The following EXOC6B variants were observed in gnomAD, a reference collection of about 807,000 sequenced individuals.
EXOC6B encodes SEC15 homolog B.
In EXOC6B, 54 loss-of-function variants were observed where a neutral mutation model predicts 113.5. The observed-to-expected ratio is 0.48, with a 90% CI of 0.38 to 0.60. The LOEUF (loss-of-function observed/expected upper bound fraction) is 0.60. Among genes scored for constraint, EXOC6B ranks in the 20% least tolerant of loss-of-function variants. The probability of loss-of-function intolerance (pLI) is 0.00; values close to 1 mark genes in which losing one functional copy is unlikely to be tolerated. For missense variants in EXOC6B, 797 were observed against 977.5 expected (o/e 0.82, Z 2.46); for synonymous variants, 357 against 339.0 (o/e 1.05, Z -0.58).
At chr2:72,576,174 A>G (rs765490396) in intron 6 of EXOC6B, among the ~76,000 whole-genome samples, 6 of 152,170 alleles carry the variant, frequency 3.9e-5, no homozygotes, top group Non-Finnish European at 5.9e-5. Flanking sequence ...TTATGTGGAT[A>G]TAAGAGACCA....
intron 16 of EXOC6B, among the ~76,000 whole-genome samples, chr2:72,491,577 T>C (rs781622029): frequency 1.6e-4 from 24 of 152,144 alleles, no homozygotes; most frequent in Admixed American, 1.2e-3. Context: ...TAACATCCAG[T>C]GAAAAACAGA....
At chr2:72,582,304 G>A (rs1705273649) in intron 6 of EXOC6B, among the ~76,000 whole-genome samples, 1 of 151,956 alleles carries the variant, frequency 6.6e-6, no homozygotes, top group Admixed American at 6.6e-5. Flanking sequence ...TTGAGCTCAG[G>A]AGTTCCAGAC....
At chr2:72,563,866 A>T (rs1704021471) in intron 7 of EXOC6B, among the ~76,000 whole-genome samples, 1 of 152,176 alleles carries the variant, frequency 6.6e-6, no homozygotes, top group East Asian at 1.9e-4. Context: ...CATATTAAAA[A>T]AAGGATATTT....
intron 6 of EXOC6B, among the ~76,000 whole-genome samples, chr2:72,688,184 C>A (rs1041552307): frequency 6.6e-6 from 1 of 152,144 alleles, no homozygotes; most frequent in Non-Finnish European, 1.5e-5. Context: ...AATTGCTGAG[C>A]ATGTACAGAA....
chr2:72,192,295 G>A (rs1678896231), intron 20 of EXOC6B, among the ~76,000 whole-genome samples: 2 of 152,190 alleles, frequency 1.3e-5, no homozygotes, highest in Admixed American at 6.5e-5. Flanking sequence ...CAATGATACT[G>A]GCCAGATGGT....
intron 6 of EXOC6B, among the ~76,000 whole-genome samples, chr2:72,646,456 C>A (rs1461979112): frequency 1.3e-5 from 2 of 152,118 alleles, no homozygotes; most frequent in Non-Finnish European, 2.9e-5. Flanking sequence ...TTTTATGAGG[C>A]CAGCATCATC....
intron 1 of EXOC6B, among the ~76,000 whole-genome samples, chr2:72,788,190 T>A (rs1361817055): frequency 6.6e-6 from 1 of 152,210 alleles, no homozygotes; most frequent in Admixed American, 6.5e-5. Flanking sequence ...CTCATCTGCC[T>A]CATAGGGTTG....
At chr2:72,636,760 A>C (rs1374454850) in intron 6 of EXOC6B, among the ~76,000 whole-genome samples, 1 of 152,222 alleles carries the variant, frequency 6.6e-6, no homozygotes, top group Admixed American at 6.5e-5. Context: ...GACAGGGAAC[A>C]AAAAGATATG....
chr2:72,210,425 G>T (rs1680117252), intron 20 of EXOC6B, among the ~76,000 whole-genome samples: 1 of 152,174 alleles, frequency 6.6e-6, no homozygotes, highest in Non-Finnish European at 1.5e-5. Context: ...AGTTTAGAAG[G>T]AAGAGCAGCA....
intron 18 of EXOC6B, 30 bp from the exon 19 acceptor site, chr2:72,379,900 T>G (rs1350115015): frequency 1.3e-6 from 2 of 1,551,584 alleles, no homozygotes; most frequent in Non-Finnish European, 1.7e-6. Flanking sequence ...ATCATAAAGT[T>G]AATGCATCTA....
intron 6 of EXOC6B, among the ~76,000 whole-genome samples, chr2:72,660,696 T>G (rs970104613): frequency 2.6e-5 from 4 of 152,232 alleles, no homozygotes; most frequent in African/African-American, 9.6e-5. Context: ...CTCTAAATAG[T>G]TATAAAATGA....
At chr2:72,498,021 GA>G (rs1700127151) in intron 13 of EXOC6B, among the ~76,000 whole-genome samples, 1 of 152,124 alleles carries the variant, frequency 6.6e-6, no homozygotes, top group South Asian at 2.1e-4. Flanking sequence ...CAACATGAGT[GA>G]GTCATCCAAA....
At chr2:72,575,751 AAACTT>A (rs1252922204) in intron 6 of EXOC6B, 83 bp from the exon 7 acceptor site, 8 of 1,282,316 alleles carry the variant, frequency 6.2e-6, no homozygotes, top group Middle Eastern at 2.0e-4. Flanking sequence ...AAAAGAAACA[AAACTT>A]AATTAAGCTT....
chr2:72,609,925 T>A (rs1417089739), intron 6 of EXOC6B, among the ~76,000 whole-genome samples: 1 of 151,886 alleles, frequency 6.6e-6, no homozygotes, highest in Non-Finnish European at 1.5e-5. Context: ...ACAACTAACA[T>A]CAGAAACAAT....
rs573942035 is a variant in EXOC6B, at chr2:72,455,955, G to A, written c.1980+9205C>T. Among the ~76,000 whole-genome samples, 67 of 152,132 alleles carry A rather than the reference G, an allele frequency of 4.4e-4. No homozygotes were observed. In the East Asian group the frequency reaches 0.012, roughly 26 times the overall value. On this transcript the variant is annotated intron_variant, in intron 18 of 21. Coordinates refer to ENST00000272427, the MANE Select transcript of EXOC6B (RefSeq NM_015189.3). ...CAGCTTGATATAGTGAAAAGAACAT[G>A]ACACAAGGAAAAATGACCTAGGATC...
intron 21 of EXOC6B, 54 bp downstream of exon 21, chr2:72,184,021 C>G: frequency 9.8e-7 from 1 of 1,023,178 alleles, no homozygotes; most frequent in Non-Finnish European, 1.5e-6. Flanking sequence ...CTACGCCAAC[C>G]CCCAATCCCT....
intron 18 of EXOC6B, among the ~76,000 whole-genome samples, chr2:72,408,752 C>T (rs1402944493): frequency 1.3e-5 from 2 of 152,098 alleles, no homozygotes; most frequent in Middle Eastern, 3.2e-3. Flanking sequence ...AGACCTAAAA[C>T]CATAAAAACC....
At chr2:72,542,755 T>G (rs973967405) in intron 8 of EXOC6B, among the ~76,000 whole-genome samples, 1 of 152,208 alleles carries the variant, frequency 6.6e-6, no homozygotes, top group Admixed American at 6.5e-5. Context: ...CTGGCTGTAG[T>G]TATTTATGTA....
intron 6 of EXOC6B, among the ~76,000 whole-genome samples, chr2:72,671,192 A>G (rs1188383565): frequency 6.6e-6 from 1 of 152,202 alleles, no homozygotes; most frequent in African/African-American, 2.4e-5. Flanking sequence ...AAGCTTTGGC[A>G]CAATAAAAGA....
Sources: gnomAD v4.1 joint callset for allele counts (sites outside exome capture counted in the v4.1 genomes callset) on GRCh38, gnomAD v4.1.1 for gene constraint, MANE v1.5 for transcripts, NCBI Gene and HGNC (gene_info 2026-07-23, HGNC 2026-07-21) for gene names.